KIAA1549: variants seen among roughly 807,000 people sequenced by gnomAD.
The protein encoded by KIAA1549 is KIAA1549.
In KIAA1549, 70 loss-of-function variants were observed where a neutral mutation model predicts 156.4. The observed-to-expected ratio is 0.45, with a 90% confidence interval of 0.37 to 0.55. KIAA1549 has a LOEUF of 0.55. Ranked by LOEUF, KIAA1549 falls within the 20% of genes least tolerant of loss-of-function variation. KIAA1549 has a pLI of 0.00. For missense variants in KIAA1549, 2,428 were observed against 2,540.9 expected (o/e 0.96, Z 0.96); for synonymous variants, 1,103 against 1,066.4 (o/e 1.03, Z -0.67).
intron 15 of KIAA1549, among the ~76,000 whole-genome samples, chr7:138,862,035 A>G (rs940438156): frequency 6.6e-6 from 1 of 152,328 alleles, no homozygotes; most frequent in East Asian, 1.9e-4. Flanking sequence ...ATTTCTACTG[A>G]AAGCCCCTAA....
At chr7:138,928,541 C>T (rs1443245627) in intron 1 of KIAA1549, among the ~76,000 whole-genome samples, 1 of 152,264 alleles carries the variant, frequency 6.6e-6, no homozygotes, top group African/African-American at 2.4e-5. Context: ...CCCGCCTCAG[C>T]CTCCCATAGT....
chr7:138,928,659 T>G (rs1812788570), intron 1 of KIAA1549, among the ~76,000 whole-genome samples: 1 of 152,204 alleles, frequency 6.6e-6, no homozygotes, highest in Non-Finnish European at 1.5e-5. Context: ...AAAGCAAATA[T>G]CACAATAAAG....
chr7:138,977,942 C>T (rs891030353), intron 1 of KIAA1549, among the ~76,000 whole-genome samples: 1 of 152,152 alleles, frequency 6.6e-6, no homozygotes. Flanking sequence ...TCAGGTGATC[C>T]GCCCACCTCG....
At position 138,917,322 on chromosome 7, in the gene KIAA1549, T is replaced by C. The variant is rs1398241730; in HGVS notation, c.2304A>G (p.Ala768=). The change falls in exon 2 of 20, where the codon GCA becomes GCG. Residue 768 remains alanine, a synonymous_variant. Coordinates refer to ENST00000422774, the MANE Select transcript of KIAA1549 (RefSeq NM_001164665.2). The part of the protein sequence containing the change: ...SLISHESAVT[A]LVPPGSESFD... ...AAGACTCAGAGCCGGGGGGCACCAG[T>C]GCAGTGACTGCGGATTCATGGGAAA... 9 of 1,613,742 alleles carry C rather than the reference T, an allele frequency of 5.6e-6. No homozygotes were observed. The highest frequency in any genetic ancestry group is 7.6e-6 in the Non-Finnish European group (9 of 1,179,844).
intron 1 of KIAA1549, among the ~76,000 whole-genome samples, chr7:138,952,237 G>A (rs919909622): frequency 6.6e-6 from 1 of 152,202 alleles, no homozygotes; most frequent in Non-Finnish European, 1.5e-5. Context: ...AAGAGCCACT[G>A]GACTGACATG....
intron 9 of KIAA1549, among the ~76,000 whole-genome samples, chr7:138,898,618 A>G (rs2130441676): frequency 6.6e-6 from 1 of 152,356 alleles, no homozygotes; most frequent in East Asian, 1.9e-4. Context: ...TTTGGAATAA[A>G]TACAGAGCAA....
intron 15 of KIAA1549, among the ~76,000 whole-genome samples, 191 bp from the exon 16 acceptor site, chr7:138,861,647 T>A (rs1357853174): frequency 6.8e-6 from 1 of 146,244 alleles, no homozygotes; most frequent in Non-Finnish European, 1.5e-5. Flanking sequence ...AGGCCAGGAG[T>A]TCGAGACCAG....
chr7:138,960,019 G>A (rs559920647), intron 1 of KIAA1549, among the ~76,000 whole-genome samples: 17 of 152,288 alleles, frequency 1.1e-4, no homozygotes, highest in East Asian at 1.9e-4. Context: ...AATCAAACAG[G>A]AATTAGAGTG....
chr7:138,907,157 T>C lies in KIAA1549; in HGVS notation c.3277-55A>G. ...ATAATAAAACATTCTGCTGAAAGCT[T>C]AACCATGATTTCTCTCTCACAGGTC... is the stretch of plus-strand genomic sequence containing the variant. On this transcript the variant is annotated intron_variant, in intron 5 of 19. Transcript: ENST00000422774. The C allele has an allele frequency of 3.0e-6, 4 of 1,334,644 alleles. No individual in the cohort carries two copies. In the South Asian group the frequency reaches 7.6e-5, roughly 25 times the overall value. The allele number at this position is 1,334,644 out of a possible 1,614,324, so 82.7% of individuals were successfully genotyped here. A position where few individuals can be genotyped will look rare whatever the true frequency, so the allele number is the denominator to read the frequency against.
intron 17 of KIAA1549, among the ~76,000 whole-genome samples, chr7:138,844,791 G>C (rs1451823486): frequency 6.6e-6 from 1 of 151,388 alleles, no homozygotes; most frequent in East Asian, 1.9e-4. Flanking sequence ...ATCACCTGGC[G>C]GGCCCGAAAA....
In KIAA1549 at chr7:138,846,533, C is replaced by CAA. The variant is rs1213246866; in HGVS notation, c.5295-2061_5295-2060dup. Among the ~76,000 whole-genome samples, 312 of 59,714 alleles carry CAA rather than the reference C, an allele frequency of 5.2e-3. 1 individual carries two copies. Among genetic ancestry groups the CAA allele is most frequent in the Middle Eastern group, 8.8e-3 (1 of 114 alleles). The allele number at this position is 59,714 out of a possible 152,430, so 39.2% of individuals were successfully genotyped here. A position where few individuals can be genotyped will look rare whatever the true frequency, so the allele number is the denominator to read the frequency against. On this transcript the variant is annotated intron_variant, in intron 17 of 19. Transcript: ENST00000422774. Reference sequence around the variant, plus strand: ...TGGGTGATGGAGCAAGACTCCATCTCAAAAAAAAAAAAAAAAAAAAAAAAG... The same window carrying CAA: ...TGGGTGATGGAGCAAGACTCCATCTCAAAAAAAAAAAAAAAAAAAAAAAAAAG...
chr7:138,973,319 G>C (rs999207761), intron 1 of KIAA1549, among the ~76,000 whole-genome samples: 1 of 152,160 alleles, frequency 6.6e-6, no homozygotes, highest in Non-Finnish European at 1.5e-5. Flanking sequence ...TGTTTCAGTA[G>C]AGCTGGCTTG....
intron 10 of KIAA1549, among the ~76,000 whole-genome samples, chr7:138,891,349 C>T (rs1811541349): frequency 6.6e-6 from 1 of 152,198 alleles, no homozygotes; most frequent in Middle Eastern, 3.2e-3. Context: ...GTGGACTATC[C>T]CCCATCAGAA....
intron 1 of KIAA1549, among the ~76,000 whole-genome samples, chr7:138,966,635 T>A (rs376450550): frequency 3.9e-5 from 6 of 151,934 alleles, no homozygotes; most frequent in African/African-American, 1.5e-4. Context: ...CTAGCCATGC[T>A]GGCAGCTGAT....
chr7:138,861,099 C>A (rs774754243), intron 16 of KIAA1549, 40 bp downstream of exon 16: 2 of 1,599,184 alleles, frequency 1.3e-6, no homozygotes, highest in South Asian at 2.2e-5. Context: ...AAAGCTTCAA[C>A]ATCTTGCCCA....
At chr7:138,861,707 A>G (rs1375225149) in intron 15 of KIAA1549, among the ~76,000 whole-genome samples, 2 of 144,504 alleles carry the variant, frequency 1.4e-5, no homozygotes, top group East Asian at 2.0e-4. Flanking sequence ...AAAAAAAAAG[A>G]AAAAAAAAAA....
rs1563072255 is a variant in KIAA1549, at chr7:138,907,120, G to C, written c.3277-18C>G. The C allele has an allele frequency of 1.3e-6, 2 of 1,534,986 alleles. No individual in the cohort carries two copies. Among genetic ancestry groups the C allele is most frequent in the East Asian group, 4.7e-5 (2 of 42,906 alleles). On this transcript the variant is annotated intron_variant, in intron 5 of 19. Transcript: ENST00000422774. ...TTCAAGATCTGAAAGAATAAAGTCAGAATAAGCTTCTATAATAAAACATTC... is the reference window on the plus strand; with the variant it reads ...TTCAAGATCTGAAAGAATAAAGTCACAATAAGCTTCTATAATAAAACATTC...
intron 1 of KIAA1549, among the ~76,000 whole-genome samples, chr7:138,960,901 C>G (rs1813826716): frequency 6.6e-6 from 1 of 152,310 alleles, no homozygotes; most frequent in East Asian, 1.9e-4. Context: ...GATAAGAATG[C>G]TGGGAAATTC....
chr7:138,923,352 G>T (rs1812615534), intron 1 of KIAA1549, among the ~76,000 whole-genome samples: 1 of 152,224 alleles, frequency 6.6e-6, no homozygotes, highest in African/African-American at 2.4e-5. Flanking sequence ...TGTAATCCCA[G>T]CACTTTGGGA....
Sources: allele counts gnomAD v4.1 joint callset (sites outside exome capture counted in the v4.1 genomes callset), GRCh38; gene constraint gnomAD v4.1.1; transcripts MANE v1.5; gene names NCBI Gene and HGNC (gene_info 2026-07-23, HGNC 2026-07-21).